Variants in BTBD10 observed in about 807,000 individuals in gnomAD.
The protein encoded by BTBD10 is BTB/POZ domain-containing protein 10.
In BTBD10, 21 loss-of-function variants were observed where a neutral mutation model predicts 53.2. The ratio of observed to expected loss-of-function variants is 0.39; its 90% CI spans 0.28 to 0.57. The LOEUF is 0.57. Among genes scored for constraint, BTBD10 ranks in the 20% least tolerant of loss-of-function variants. BTBD10 has a pLI of 0.53. For synonymous variants in BTBD10, 149 were observed against 192.7 expected (o/e 0.77, Z 1.88); for missense variants, 360 against 594.7 (o/e 0.61, Z 4.10).
intron 8 of BTBD10, among the ~76,000 whole-genome samples, chr11:13,396,609 T>A (rs577942167): frequency 1.3e-5 from 2 of 152,142 alleles, no homozygotes; most frequent in Admixed American, 1.3e-4. Flanking sequence ...GGGCATCCCT[T>A]TCTTGTGCCA....
In BTBD10 at chr11:13,388,860, C is replaced by T; in HGVS notation, c.1399G>A (p.Asp467Asn). ...AGCATTGGATTCTGTGCATCAGGATCGAGGTCACTGTTGCCAGAAGGGGGA... is the reference window on the plus strand; with the variant it reads ...AGCATTGGATTCTGTGCATCAGGATTGAGGTCACTGTTGCCAGAAGGGGGA... ...IHPPSGNSDLDPDAQNPML is the reference protein window; with the variant it reads ...IHPPSGNSDLNPDAQNPML The change falls in exon 9 of 9, where the codon GAT (aspartate) becomes AAT (asparagine). Residue 467 changes from aspartate to asparagine, a missense_variant. By Grantham distance (23) the Asp-to-Asn change is conservative. This residue lies in a region of BTBD10 where 25 missense variants were observed against 24.9 expected (regional missense o/e 1.00). Transcript: ENST00000278174. 3.1e-6 allele frequency: 5 copies of T among 1,613,684 alleles called. No homozygotes were observed. Among genetic ancestry groups the T allele is most frequent in the South Asian group, 2.2e-5 (2 of 91,016 alleles).
intron 6 of BTBD10, among the ~76,000 whole-genome samples, chr11:13,413,102 T>C (rs1280186606): frequency 2.0e-5 from 3 of 152,210 alleles, no homozygotes; most frequent in African/African-American, 4.8e-5. Context: ...ATGATAGGTA[T>C]TGTTTTTGAG....
intron 7 of BTBD10, chr11:13,405,404 C>T (rs752476274): frequency 6.8e-5 from 23 of 336,884 alleles, no homozygotes; most frequent in Non-Finnish European, 9.7e-5. Context: ...ATGGCATGGG[C>T]GGGGCATATT....
At chr11:13,439,864 T>A (rs758122164) in intron 2 of BTBD10, 1 of 1,498,568 alleles carries the variant, frequency 6.7e-7, no homozygotes, top group Non-Finnish European at 8.9e-7. Context: ...AGAGATATCA[T>A]GTAATAAATG....
chr11:13,444,800 T>G (rs1485823833), intron 2 of BTBD10, among the ~76,000 whole-genome samples: 1 of 152,120 alleles, frequency 6.6e-6, no homozygotes, highest in Admixed American at 6.6e-5. Context: ...TAGGGAGATT[T>G]TCACCATCTT....
intron 8 of BTBD10, among the ~76,000 whole-genome samples, chr11:13,394,353 AAAGT>A (rs1949482037): frequency 6.6e-6 from 1 of 152,098 alleles, no homozygotes; most frequent in Non-Finnish European, 1.5e-5. Context: ...TGACGGTTTA[AAAGT>A]ATGTGGCAGT....
intron 8 of BTBD10, among the ~76,000 whole-genome samples, chr11:13,393,686 AAAGTC>A (rs1446674944): frequency 2.0e-5 from 3 of 152,334 alleles, no homozygotes; most frequent in East Asian, 1.9e-4. Context: ...CCGTCCTGCC[AAAGTC>A]AAGCCCAATA....
At chr11:13,392,105 G>A (rs1470226826) in intron 8 of BTBD10, among the ~76,000 whole-genome samples, 10 of 152,196 alleles carry the variant, frequency 6.6e-5, no homozygotes, top group Non-Finnish European at 7.3e-5. Flanking sequence ...GGTGTTTATG[G>A]TCTATTGAGA....
chr11:13,431,612 T>TC (rs1950449257), intron 2 of BTBD10, among the ~76,000 whole-genome samples: 2 of 152,314 alleles, frequency 1.3e-5, no homozygotes, highest in South Asian at 4.1e-4. Context: ...CAGTAAAGTT[T>TC]CTAAAAACTT....
At chr11:13,440,089 C>G in intron 2 of BTBD10, 1 of 1,521,908 alleles carries the variant, frequency 6.6e-7, no homozygotes, top group African/African-American at 1.4e-5. Context: ...CCAGTCTCCC[C>G]CTACCTCACC....
intron 6 of BTBD10, among the ~76,000 whole-genome samples, 182 bp from the exon 7 acceptor site, chr11:13,406,038 T>C (rs1949817424): frequency 6.6e-6 from 1 of 152,126 alleles, no homozygotes; most frequent in African/African-American, 2.4e-5. Flanking sequence ...TAAAACCCTA[T>C]CCCTAGCCTA....
intron 6 of BTBD10, among the ~76,000 whole-genome samples, chr11:13,407,598 A>G (rs963520482): frequency 2.0e-5 from 3 of 152,220 alleles, no homozygotes; most frequent in Non-Finnish European, 4.4e-5. Flanking sequence ...AAGTCTTCTT[A>G]AACACACCTT....
chr11:13,436,678 T>G (rs940238344), intron 2 of BTBD10, among the ~76,000 whole-genome samples: 1 of 152,224 alleles, frequency 6.6e-6, no homozygotes, highest in Non-Finnish European at 1.5e-5. Context: ...CAAACAAGTC[T>G]GACTCAAACC....
intron 8 of BTBD10, among the ~76,000 whole-genome samples, chr11:13,397,597 T>C (rs1289839804): frequency 6.6e-6 from 1 of 152,220 alleles, no homozygotes; most frequent in Non-Finnish European, 1.5e-5. Flanking sequence ...TTGAATGTGT[T>C]TGCTCTTGCT....
intron 2 of BTBD10, among the ~76,000 whole-genome samples, chr11:13,432,809 GA>G (rs1233986800): frequency 1.3e-5 from 2 of 151,870 alleles, no homozygotes; most frequent in East Asian, 3.9e-4. Context: ...AAAATGCAAA[GA>G]AATGGAAAAT....
chr11:13,393,175 AAAGT>A (rs540075420), intron 8 of BTBD10, among the ~76,000 whole-genome samples: 128 of 152,340 alleles, frequency 8.4e-4, no homozygotes, highest in African/African-American at 3.0e-3. Flanking sequence ...AGCCTGCTTA[AAAGT>A]AAGTAGAAGA....
chr11:13,413,654 GA>G lies in BTBD10; in HGVS notation c.688-5del. On this transcript the variant is annotated splice_region_variant and splice_polypyrimidine_tract_variant and intron_variant, in intron 5 of 8. Coordinates refer to ENST00000278174, the MANE Select transcript of BTBD10 (RefSeq NM_032320.7). Reference sequence around the variant, plus strand: ...TTATTCCTGTTTTATAGTAATCCTGGAAAAAGAAAAGTAAAGAAAGCATAAA... The same window carrying G: ...TTATTCCTGTTTTATAGTAATCCTGGAAAAGAAAAGTAAAGAAAGCATAAA... 1 of 1,602,682 alleles carries G rather than the reference GA, an allele frequency of 6.2e-7. No homozygotes were observed. Among genetic ancestry groups the G allele is most frequent in the Middle Eastern group, 1.7e-4 (1 of 6,002 alleles).
chr11:13,435,149 G>C (rs1950523732), intron 2 of BTBD10, among the ~76,000 whole-genome samples: 1 of 152,134 alleles, frequency 6.6e-6, no homozygotes, highest in African/African-American at 2.4e-5. Flanking sequence ...TACATACTTA[G>C]TATTCTCAGC....
chr11:13,463,143 C>T lies in BTBD10; in HGVS notation c.-109G>A, dbSNP rs1462637808. 4.0e-5 allele frequency: 6 copies of T among 150,182 alleles called. No individual in the cohort carries two copies. Among genetic ancestry groups the T allele is most frequent in the African/African-American group, 1.5e-4 (6 of 41,016 alleles). 9.3% of individuals were successfully genotyped at this position (150,182 alleles called of 1,614,324 possible). ...GCCCACACAAGATTGGGGCAAAGGC[C>T]GGGGCCAGTGACACCTCCACTTCCT... On this transcript the variant is annotated 5_prime_UTR_variant, in exon 1 of 9. Coordinates refer to ENST00000278174, the MANE Select transcript of BTBD10 (RefSeq NM_032320.7).
Sources: allele counts gnomAD v4.1 joint callset (sites outside exome capture counted in the v4.1 genomes callset), GRCh38; gene constraint gnomAD v4.1.1; regional missense constraint gnomAD v4.1.1; transcripts MANE v1.5; gene names NCBI Gene and HGNC (gene_info 2026-07-23, HGNC 2026-07-21).